Variants in MAML3 observed in about 807,000 individuals in gnomAD.
MAML3 encodes the protein mastermind like transcriptional coactivator 3, also known as mastermind-like protein 3.
Under a neutral mutation model 101.9 loss-of-function variants are expected in MAML3, and 27 were observed. The observed-to-expected ratio is 0.27, with a 90% CI of 0.20 to 0.37. MAML3 has a LOEUF of 0.37. Among genes scored for constraint, MAML3 ranks in the 10% least tolerant of loss-of-function variants. The pLI, the probability that MAML3 is intolerant of heterozygous loss-of-function variation, is 1.00. For synonymous variants in MAML3, 501 were observed against 555.9 expected (o/e 0.90, Z 1.39); for missense variants, 1,316 against 1,444.9 (o/e 0.91, Z 1.45).
intron 1 of MAML3, among the ~76,000 whole-genome samples, chr4:140,100,824 T>C (rs971104632): frequency 2.0e-5 from 3 of 152,064 alleles, no homozygotes; most frequent in African/African-American, 7.2e-5. Context: ...ACCAATCAAG[T>C]ATGGGAGTGA....
intron 1 of MAML3, among the ~76,000 whole-genome samples, chr4:140,116,665 A>G (rs1728523516): frequency 1.3e-5 from 2 of 152,172 alleles, no homozygotes; most frequent in Non-Finnish European, 2.9e-5. Context: ...AGACGAAACC[A>G]TTAAGGCTGG....
chr4:140,002,952 G>A (rs1726351501), intron 1 of MAML3, among the ~76,000 whole-genome samples: 1 of 152,210 alleles, frequency 6.6e-6, no homozygotes, highest in Non-Finnish European at 1.5e-5. Context: ...TGCCCACTAC[G>A]GTGGCAGGAA....
chr4:139,874,747 G>A (rs1021010877), intron 2 of MAML3, among the ~76,000 whole-genome samples: 9 of 150,842 alleles, frequency 6.0e-5, no homozygotes, highest in Non-Finnish European at 8.8e-5. Context: ...AATGCTTAAC[G>A]TAAACTAATA....
At chr4:140,073,141 CTT>C (rs565407589) in intron 1 of MAML3, among the ~76,000 whole-genome samples, 24 of 141,580 alleles carry the variant, frequency 1.7e-4, no homozygotes, top group Non-Finnish European at 2.2e-4. Context: ...TCCATGTTTT[CTT>C]TTTTTTTTTT....
At position 140,069,543 on chromosome 4, in the gene MAML3, AAGG is replaced by A. The variant is rs1194374118; in HGVS notation, c.468+83314_468+83316del. Among the ~76,000 whole-genome samples the A allele has an allele frequency of 3.0e-4, 28 of 91,836 alleles. 1 individual carries two copies. The East Asian group carries it at 3.2e-3, about 10-fold the overall frequency. 60.2% of individuals were successfully genotyped at this position (91,836 alleles called of 152,430 possible). On this transcript the variant is annotated intron_variant, in intron 1 of 4. Transcript: ENST00000509479. ...AGAAGGAGAAGGAGAAAGGAAGAAG[AAGG>A]AGGAGGAGGAGGGGAGGAGGAGGAG...
intron 2 of MAML3, among the ~76,000 whole-genome samples, chr4:139,737,032 C>T (rs111363567): frequency 2.0e-5 from 3 of 152,270 alleles, no homozygotes; most frequent in East Asian, 1.9e-4. Flanking sequence ...TCTTCCAGGA[C>T]GGACTACTCC....
chr4:139,835,951 T>G (rs945175780), intron 2 of MAML3, among the ~76,000 whole-genome samples: 1 of 152,176 alleles, frequency 6.6e-6, no homozygotes, highest in Non-Finnish European at 1.5e-5. Context: ...GGAATACATT[T>G]TGATGCTTAC....
intron 1 of MAML3, among the ~76,000 whole-genome samples, chr4:140,148,390 T>C (rs1236042210): frequency 6.6e-6 from 1 of 152,186 alleles, no homozygotes; most frequent in African/African-American, 2.4e-5. Flanking sequence ...ATTAAACATG[T>C]ATTGGAGCTT....
chr4:140,152,874 G>T lies in MAML3; in HGVS notation c.454C>A (p.His152Asn), dbSNP rs777442520. Residue 152 changes from histidine (H) to asparagine (N), a missense_variant, in exon 1 of 5, where the codon CAC becomes AAC. Physicochemically the swap from His to Asn is moderately conservative, Grantham distance 68. Transcript: ENST00000509479. The stretch of plus-strand genomic sequence containing the variant: ...TGCGCCCTCACCATGATCAGCGTGT[G>T]GTTCCTCTGCTCCGCCGAGGCAGCC... ...AEAASAEQRN[H>N]TLIMLQETVK... 1 of 1,611,428 alleles carries T rather than the reference G, an allele frequency of 6.2e-7. No homozygotes were observed. Among genetic ancestry groups the T allele is most frequent in the East Asian group, 2.2e-5 (1 of 44,860 alleles).
intron 1 of MAML3, among the ~76,000 whole-genome samples, chr4:139,982,333 T>C (rs1734459184): frequency 1.3e-5 from 2 of 152,322 alleles, no homozygotes; most frequent in South Asian, 4.1e-4. Flanking sequence ...GGGAGTTTTT[T>C]TGAATACTTC....
intron 2 of MAML3, among the ~76,000 whole-genome samples, chr4:139,866,302 G>A (rs771588298): frequency 6.6e-6 from 1 of 152,208 alleles, no homozygotes; most frequent in African/African-American, 2.4e-5. Context: ...GGAGGGACAC[G>A]CTTGTCTCTC....
intron 2 of MAML3, among the ~76,000 whole-genome samples, chr4:139,802,075 C>T (rs114052702): frequency 1.5e-3 from 235 of 152,210 alleles, no homozygotes; most frequent in African/African-American, 4.6e-3. Context: ...CGGCTCGGAT[C>T]GGCAACAGAC....
At chr4:140,038,237 A>G (rs1727020675) in intron 1 of MAML3, among the ~76,000 whole-genome samples, 1 of 152,370 alleles carries the variant, frequency 6.6e-6, no homozygotes. Flanking sequence ...TCAGAGCTGG[A>G]AAGGACCCTG....
At position 140,119,894 on chromosome 4, in the gene MAML3, G is replaced by A. The variant is rs149980887; in HGVS notation, c.468+32966C>T. Among the ~76,000 whole-genome samples, 19 of 152,076 alleles carry A rather than the reference G, an allele frequency of 1.2e-4. No homozygotes were observed. In the East Asian group the frequency reaches 3.5e-3, roughly 28 times the overall value. ...GAGAGGAAAATTAGTAATTATTGTGGGCTTGAAAAGAGAGTTCCAATCACA... is the reference window on the plus strand; with the variant it reads ...GAGAGGAAAATTAGTAATTATTGTGAGCTTGAAAAGAGAGTTCCAATCACA... On this transcript the variant is annotated intron_variant, in intron 1 of 4. Transcript: ENST00000509479.
chr4:139,949,085 G>A (rs927373116), intron 1 of MAML3, among the ~76,000 whole-genome samples: 3 of 151,884 alleles, frequency 2.0e-5, no homozygotes, highest in South Asian at 2.1e-4. Context: ...GCGCGATCTC[G>A]GCTCACTGCA....
At chr4:139,901,710 C>T (rs923795992) in intron 1 of MAML3, among the ~76,000 whole-genome samples, 2 of 152,110 alleles carry the variant, frequency 1.3e-5, no homozygotes, top group Non-Finnish European at 2.9e-5. Flanking sequence ...CAACACAGAC[C>T]AAAGAATAGG....
intron 2 of MAML3, among the ~76,000 whole-genome samples, chr4:139,812,405 A>G (rs1019778813): frequency 1.3e-5 from 2 of 152,230 alleles, no homozygotes; most frequent in Non-Finnish European, 2.9e-5. Flanking sequence ...TTCCGTGCAT[A>G]GTACATGGCC....
chr4:140,046,657 A>G (rs755002610), intron 1 of MAML3, among the ~76,000 whole-genome samples: 6 of 152,146 alleles, frequency 3.9e-5, no homozygotes, highest in Non-Finnish European at 5.9e-5. Context: ...TTAAGTGAGA[A>G]ATACAAATAC....
chr4:140,041,893 T>C (rs1001798317), intron 1 of MAML3, among the ~76,000 whole-genome samples: 1 of 152,168 alleles, frequency 6.6e-6, no homozygotes, highest in Non-Finnish European at 1.5e-5. Context: ...AACCTTTTAA[T>C]AGAGAAGTTC....
Sources: gnomAD v4.1 joint callset for allele counts (sites outside exome capture counted in the v4.1 genomes callset) on GRCh38, gnomAD v4.1.1 for gene constraint, MANE v1.5 for transcripts, NCBI Gene and HGNC (gene_info 2026-07-23, HGNC 2026-07-21) for gene names.